FAM24B: variants seen among roughly 807,000 people sequenced by gnomAD.
FAM24B encodes the protein protein FAM24B.
Under a neutral mutation model 2.3 loss-of-function variants are expected in FAM24B, and 3 were observed. The observed-to-expected ratio is 1.29, with a 90% CI of 0.59 to 3.32. The LOEUF is 3.32. Among genes scored for constraint, FAM24B ranks in the 30% most tolerant of loss-of-function variants. FAM24B has a pLI of 0.03. For missense variants in FAM24B, 98 were observed against 117.2 expected (o/e 0.84, Z 0.76); for synonymous variants, 36 against 46.3 (o/e 0.78, Z 0.90).
intron 1 of FAM24B, among the ~76,000 whole-genome samples, chr10:122,868,670 A>G (rs1361897312): frequency 1.3e-5 from 2 of 152,180 alleles, no homozygotes; most frequent in African/African-American, 4.8e-5. Context: ...AGAATTTCAT[A>G]TCCAGCCAAA....
At chr10:122,854,512 A>G (rs1847602894) in intron 2 of FAM24B, among the ~76,000 whole-genome samples, 2 of 152,154 alleles carry the variant, frequency 1.3e-5, no homozygotes, top group Non-Finnish European at 1.5e-5. Context: ...CCCCAACTCT[A>G]TTATTCAAAG....
At chr10:122,875,875 A>G (rs928427034) in intron 1 of FAM24B, among the ~76,000 whole-genome samples, 2 of 152,216 alleles carry the variant, frequency 1.3e-5, no homozygotes, top group Non-Finnish European at 2.9e-5. Flanking sequence ...ATGACCTTCT[A>G]AGAACATTTG....
intron 1 of FAM24B, among the ~76,000 whole-genome samples, chr10:122,863,016 G>A (rs1352250108): frequency 6.6e-6 from 1 of 152,058 alleles, no homozygotes; most frequent in African/African-American, 2.4e-5. Context: ...CATTGAATCT[G>A]AGCTCAATTT....
chr10:122,851,965 T>A, intron 2 of FAM24B, among the ~76,000 whole-genome samples: 1 of 151,764 alleles, frequency 6.6e-6, no homozygotes, highest in African/African-American at 2.4e-5. Flanking sequence ...AAATGAAAAA[T>A]TCACTAGAAG....
intron 1 of FAM24B, among the ~76,000 whole-genome samples, chr10:122,877,557 A>C (rs1464152859): frequency 1.3e-5 from 2 of 152,212 alleles, no homozygotes. Context: ...GGGAAGTTGC[A>C]TATCTTATAA....
intron 2 of FAM24B, chr10:122,855,387 A>G (rs921314659): frequency 1.3e-5 from 2 of 152,174 alleles, no homozygotes; most frequent in Non-Finnish European, 2.9e-5. Context: ...AAAACTGCAA[A>G]CTTAGTGATG....
At chr10:122,852,878 C>G (rs1313478760) in intron 2 of FAM24B, among the ~76,000 whole-genome samples, 1 of 152,074 alleles carries the variant, frequency 6.6e-6, no homozygotes, top group East Asian at 1.9e-4. Flanking sequence ...AAGCTATTGT[C>G]TAAAAGTTTT....
chr10:122,859,176 A>G (rs936574111), intron 1 of FAM24B, among the ~76,000 whole-genome samples: 4 of 152,174 alleles, frequency 2.6e-5, no homozygotes, highest in African/African-American at 9.7e-5. Flanking sequence ...ACTGAAAGAG[A>G]GATTAGCCAA....
intron 1 of FAM24B, among the ~76,000 whole-genome samples, chr10:122,861,702 T>C (rs982776035): frequency 1.3e-5 from 2 of 152,254 alleles, no homozygotes; most frequent in African/African-American, 4.8e-5. Context: ...TTAGTGCTAT[T>C]GTAAACAGTA....
At chr10:122,873,696 GT>G (rs1847935385) in intron 1 of FAM24B, among the ~76,000 whole-genome samples, 1 of 152,156 alleles carries the variant, frequency 6.6e-6, no homozygotes, top group African/African-American at 2.4e-5. Context: ...TCTTTCTCTA[GT>G]TTCTTAAGGT....
At chr10:122,869,005 C>T (rs919865614) in intron 1 of FAM24B, among the ~76,000 whole-genome samples, 1 of 152,132 alleles carries the variant, frequency 6.6e-6, no homozygotes, top group Non-Finnish European at 1.5e-5. Context: ...GATAAAGAGT[C>T]AAGACCCATC....
intron 1 of FAM24B, among the ~76,000 whole-genome samples, 151 bp downstream of exon 1, chr10:122,879,334 C>A (rs1848037441): frequency 6.6e-6 from 1 of 152,240 alleles, no homozygotes; most frequent in Admixed American, 6.5e-5. Flanking sequence ...GTAAAATTAA[C>A]CCGAATGGAC....
At chr10:122,865,461 G>A (rs1246506138) in intron 1 of FAM24B, among the ~76,000 whole-genome samples, 2 of 152,118 alleles carry the variant, frequency 1.3e-5, no homozygotes, top group African/African-American at 2.4e-5. Flanking sequence ...TACACACCTG[G>A]AGTAACTCCC....
intron 1 of FAM24B, among the ~76,000 whole-genome samples, chr10:122,867,323 C>G (rs1349379500): frequency 1.3e-5 from 2 of 152,242 alleles, no homozygotes; most frequent in Non-Finnish European, 2.9e-5. Flanking sequence ...TCCACCACAG[C>G]TCAAGGAGGC....
chr10:122,875,166 T>C (rs1847957977), intron 1 of FAM24B, among the ~76,000 whole-genome samples: 3 of 152,202 alleles, frequency 2.0e-5, no homozygotes, highest in Admixed American at 6.5e-5. Context: ...CAGTTTTTAT[T>C]AACAGTTCTT....
At chr10:122,868,203 T>C (rs1484394269) in intron 1 of FAM24B, among the ~76,000 whole-genome samples, 1 of 152,064 alleles carries the variant, frequency 6.6e-6, no homozygotes, top group Non-Finnish European at 1.5e-5. Flanking sequence ...CGATGGAAGA[T>C]GAAATGAAGC....
intron 1 of FAM24B, among the ~76,000 whole-genome samples, chr10:122,878,485 TCA>T: frequency 6.7e-6 from 1 of 149,630 alleles, no homozygotes; most frequent in South Asian, 2.1e-4. Context: ...GGAGCCGAGA[TCA>T]CACCACTGTA....
Position 122,879,531 on chromosome 10 carries a change from G to T in FAM24B, c.-224C>A. 6.5e-6 allele frequency: 1 copy of T among 152,854 alleles called. No individual in the cohort carries two copies. Among genetic ancestry groups the T allele is most frequent in the African/African-American group, 2.4e-5 (1 of 41,594 alleles). 9.5% of individuals were successfully genotyped at this position (152,854 alleles called of 1,614,324 possible). ...CCGCCCAGCAACCGTGGTCCATGCT[G>T]CCTGCGTCCACCGCCAGCGTCGAAA... On this transcript the variant is annotated 5_prime_UTR_variant, in exon 1 of 4. Transcript: ENST00000368898.
chr10:122,855,492 G>T (rs540125614), intron 2 of FAM24B, 153 bp downstream of exon 2: 1 of 152,158 alleles, frequency 6.6e-6, no homozygotes, highest in Non-Finnish European at 1.5e-5. Context: ...AATCTGCCAC[G>T]CACTGGGCTC....
Sources: gnomAD v4.1 joint callset for allele counts (sites outside exome capture counted in the v4.1 genomes callset) on GRCh38, gnomAD v4.1.1 for gene constraint, MANE v1.5 for transcripts, NCBI Gene and HGNC (gene_info 2026-07-23, HGNC 2026-07-21) for gene names.